STAT4: variants seen among roughly 807,000 people sequenced by gnomAD.
The protein encoded by STAT4 is signal transducer and activator of transcription 4.
A neutral mutation model predicts 110.5 loss-of-function variants in STAT4; 42 were observed. The observed-to-expected ratio is 0.38, with a 90% CI of 0.30 to 0.49. The LOEUF (loss-of-function observed/expected upper bound fraction) is 0.49, where lower values mean the gene tolerates loss of function less well. Ranked by LOEUF, STAT4 falls within the 20% of genes least tolerant of loss-of-function variation. The probability of loss-of-function intolerance (pLI) is 0.95; values close to 1 mark genes in which losing one functional copy is unlikely to be tolerated. For synonymous variants in STAT4, 284 were observed against 302.2 expected (o/e 0.94, Z 0.63); for missense variants, 632 against 887.9 (o/e 0.71, Z 3.66).
intron 6 of STAT4, among the ~76,000 whole-genome samples, chr2:191,068,915 C>G (rs1477266783): frequency 1.3e-5 from 2 of 152,042 alleles, no homozygotes; most frequent in Non-Finnish European, 2.9e-5. Context: ...TTAAAAAACA[C>G]CTAGTTGTAA....
At position 191,061,252 on chromosome 2, in the gene STAT4, A is replaced by G. The variant is rs967062202; in HGVS notation, c.1034+477T>C. 6.6e-6 allele frequency among the ~76,000 whole-genome samples: 1 copy of G among 152,074 alleles called. No homozygotes were observed. Among genetic ancestry groups the G allele is most frequent in the Non-Finnish European group, 1.5e-5 (1 of 68,006 alleles). ...AATAAGCCAGTTACTGGGTAATCTC[A>G]GGAGATGAATGTGCCACTGTGTTTC... On this transcript the variant is annotated intron_variant, in intron 10 of 23. Coordinates refer to ENST00000392320, the MANE Select transcript of STAT4 (RefSeq NM_003151.4). The surrounding 1 kb of genome is among the most constrained non-coding windows in gnomAD (Gnocchi z 6.2).
At chr2:191,072,682 A>G (rs1697200231) in intron 5 of STAT4, among the ~76,000 whole-genome samples, 1 of 152,206 alleles carries the variant, frequency 6.6e-6, no homozygotes, top group African/African-American at 2.4e-5. Flanking sequence ...ATAAATCTCT[A>G]GATAGACTGA....
chr2:191,091,389 GAATTA>G lies in STAT4; in HGVS notation c.274-15069_274-15065del, dbSNP rs1354014548. Among the ~76,000 whole-genome samples, 1 of 150,178 alleles carries G rather than the reference GAATTA, an allele frequency of 6.7e-6. No homozygotes were observed. The highest frequency in any genetic ancestry group is 1.5e-5 in the Non-Finnish European group (1 of 67,470). ...AACAAAGAAGATACAGGTCTTACAT[GAATTA>G]AATTAAACTAGGGTCACACTGAAAA... On this transcript the variant is annotated intron_variant, in intron 3 of 23. Transcript: ENST00000392320. The surrounding 1 kb of genome is among the most constrained non-coding windows in gnomAD (Gnocchi z 5.4).
chr2:191,115,926 C>T (rs2125375584), intron 3 of STAT4, among the ~76,000 whole-genome samples: 1 of 152,314 alleles, frequency 6.6e-6, no homozygotes, highest in South Asian at 2.1e-4. Context: ...TCTGACTATT[C>T]AAGTAGGGCT....
intron 3 of STAT4, among the ~76,000 whole-genome samples, chr2:191,092,027 G>A (rs1416580164): frequency 6.6e-6 from 1 of 152,144 alleles, no homozygotes; most frequent in African/African-American, 2.4e-5. Context: ...TGGTTTTTCA[G>A]TTCAGTAAAA....
At chr2:191,073,559 G>A (rs1268498237) in intron 4 of STAT4, among the ~76,000 whole-genome samples, 3 of 152,054 alleles carry the variant, frequency 2.0e-5, no homozygotes, top group Non-Finnish European at 2.9e-5. Flanking sequence ...GTGTGGCAGC[G>A]TGTGCCTGTA....
At chr2:191,052,072 G>A (rs1461694175) in intron 14 of STAT4, among the ~76,000 whole-genome samples, 2 of 152,092 alleles carry the variant, frequency 1.3e-5, no homozygotes, top group African/African-American at 4.8e-5. Flanking sequence ...TGAAAACGAG[G>A]TTACGATATT....
chr2:191,115,581 C>T (rs889606535), intron 3 of STAT4, among the ~76,000 whole-genome samples: 1 of 152,194 alleles, frequency 6.6e-6, no homozygotes, highest in African/African-American at 2.4e-5. Context: ...GCTATCTTAT[C>T]AGATTCTGCA....
chr2:191,066,571 A>T lies in STAT4; in HGVS notation c.545-56T>A. The T allele has an allele frequency of 6.5e-7, 1 of 1,543,880 alleles. No individual in the cohort carries two copies. The highest frequency in any genetic ancestry group is 8.9e-7 in the Non-Finnish European group (1 of 1,124,000). ...TCTCTCTATTCCTGAAAGTCAAGTC[A>T]GCCTCAATCCACCATCCTAAAACAG... is the stretch of plus-strand genomic sequence containing the variant. On this transcript the variant is annotated intron_variant, in intron 6 of 23. Coordinates refer to ENST00000392320, the MANE Select transcript of STAT4 (RefSeq NM_003151.4). This position sits in a 1 kb window ranked among gnomAD's most constrained non-coding sequence, Gnocchi z 4.3.
intron 3 of STAT4, among the ~76,000 whole-genome samples, chr2:191,122,382 G>A (rs1387509778): frequency 1.3e-5 from 2 of 150,784 alleles, no homozygotes; most frequent in Non-Finnish European, 2.9e-5. Flanking sequence ...TAGAGCAACT[G>A]AACTCTCATA....
At position 191,144,470 on chromosome 2, in the gene STAT4, T is replaced by C. The variant is rs553296436; in HGVS notation, c.273+2143A>G. Among the ~76,000 whole-genome samples, 1 of 152,132 alleles carries C rather than the reference T, an allele frequency of 6.6e-6. No homozygotes were observed. The highest frequency in any genetic ancestry group is 2.1e-4 in the South Asian group (1 of 4,808). ...TCAGGAACAAGTAGTAGATCTATTT[T>C]TCTGAGGTAGGGATGTGGAGGAGCT... On this transcript the variant is annotated intron_variant, in intron 3 of 23. Coordinates refer to ENST00000392320, the MANE Select transcript of STAT4 (RefSeq NM_003151.4). The surrounding 1 kb of genome is among the most constrained non-coding windows in gnomAD (Gnocchi z 4.7).
intron 3 of STAT4, among the ~76,000 whole-genome samples, chr2:191,139,995 A>C (rs981627400): frequency 4.6e-5 from 7 of 152,208 alleles, no homozygotes; most frequent in African/African-American, 1.4e-4. Flanking sequence ...CAAAAATATA[A>C]ATCAGGGAAA....
rs1293131080 is a variant in STAT4, at chr2:191,062,284, T to A, written c.942-463A>T. 6.6e-6 allele frequency among the ~76,000 whole-genome samples: 1 copy of A among 152,102 alleles called. No individual in the cohort carries two copies. Among genetic ancestry groups the A allele is most frequent in the African/African-American group, 2.4e-5 (1 of 41,418 alleles). ...GCTGTCCAGGCTGTTCTACAACTCC[T>A]GAGCTCAAGCAACCCCTTGCCTCAG... On this transcript the variant is annotated intron_variant, in intron 9 of 23. Coordinates refer to ENST00000392320, the MANE Select transcript of STAT4 (RefSeq NM_003151.4). This position sits in a 1 kb window ranked among gnomAD's most constrained non-coding sequence, Gnocchi z 4.9.
At chr2:191,108,976 TG>T (rs1698353794) in intron 3 of STAT4, among the ~76,000 whole-genome samples, 1 of 152,258 alleles carries the variant, frequency 6.6e-6, no homozygotes, top group South Asian at 2.1e-4. Flanking sequence ...AGAAACCTCT[TG>T]GTTTCTACTG....
rs568480274 is a variant in STAT4 at position 191,090,608 on chromosome 2, T to C, written c.274-14283A>G. Among the ~76,000 whole-genome samples the C allele has an allele frequency of 6.6e-6, 1 of 152,298 alleles. No homozygotes were observed. The highest frequency in any genetic ancestry group is 2.1e-4 in the South Asian group (1 of 4,828). Reference sequence around the variant, plus strand: ...AGAGTCTTGCTTCTGTTGCCCAGACTGGAGTGCAGTGGCGCGATCTCCGCC... The same window carrying C: ...AGAGTCTTGCTTCTGTTGCCCAGACCGGAGTGCAGTGGCGCGATCTCCGCC... On this transcript the variant is annotated intron_variant, in intron 3 of 23. Coordinates refer to ENST00000392320, the MANE Select transcript of STAT4 (RefSeq NM_003151.4). The surrounding 1 kb of genome is among the most constrained non-coding windows in gnomAD (Gnocchi z 4.2).
At chr2:191,139,443 A>T (rs1699263434) in intron 3 of STAT4, among the ~76,000 whole-genome samples, 1 of 152,204 alleles carries the variant, frequency 6.6e-6, no homozygotes, top group Admixed American at 6.5e-5. Flanking sequence ...TAGCTCTGAT[A>T]TACTCCAACA....
In STAT4 at chr2:191,146,646, T is replaced by C. The variant is rs957846209; in HGVS notation, c.240A>G (p.Ile80Met). ...CCTTCCTAATTCTTTTTAGATTGTG[T>C]ATCAAGAGTAGGTTTTTCTCTTTGG... ...RVSKEKNLLL[I>M]HNLKRIRKVL... The change falls in exon 3 of 24, where the codon ATA becomes ATG. Residue 80 changes from isoleucine to methionine, a missense_variant. Transcript: ENST00000392320. This position sits in a 1 kb window ranked among gnomAD's most constrained non-coding sequence, Gnocchi z 4.5. 1 of 1,584,846 alleles carries C rather than the reference T, an allele frequency of 6.3e-7. No homozygotes were observed. Among genetic ancestry groups the C allele is most frequent in the Non-Finnish European group, 8.6e-7 (1 of 1,167,046 alleles).
At position 191,147,207 on chromosome 2, in the gene STAT4, T is replaced by C. The variant is rs1169172258; in HGVS notation, c.129-450A>G. 6.6e-6 allele frequency among the ~76,000 whole-genome samples: 1 copy of C among 152,196 alleles called. No individual in the cohort carries two copies. Among genetic ancestry groups the C allele is most frequent in the Non-Finnish European group, 1.5e-5 (1 of 68,012 alleles). ...TCAAACAGATATTTGCATACCAATG[T>C]TCCTAGCAGGGTTATTAGCAATAGC... On this transcript the variant is annotated intron_variant, in intron 2 of 23. Coordinates refer to ENST00000392320, the MANE Select transcript of STAT4 (RefSeq NM_003151.4). This position sits in a 1 kb window ranked among gnomAD's most constrained non-coding sequence, Gnocchi z 4.1.
In STAT4 at chr2:191,032,810, AT is replaced by A. The variant is rs1695937277; in HGVS notation, c.2044+147del. 1.0e-5 allele frequency: 8 copies of A among 801,374 alleles called. 1 individual carries two copies. The highest frequency in any genetic ancestry group is 3.8e-4 in the Middle Eastern group (1 of 2,660). 49.6% of individuals were successfully genotyped at this position (801,374 alleles called of 1,614,324 possible). On this transcript the variant is annotated intron_variant, in intron 21 of 23. Transcript: ENST00000392320. The surrounding 1 kb of genome is among the most constrained non-coding windows in gnomAD (Gnocchi z 4.9). The stretch of plus-strand genomic sequence containing the variant: ...TCAGGAACTGCTGACATACCACTTC[AT>A]TTCTAAGGCTTTGACCTCCACATGC...
Sources: gnomAD v4.1 joint callset for allele counts (sites outside exome capture counted in the v4.1 genomes callset) on GRCh38, gnomAD v4.1.1 for gene constraint, Gnocchi (gnomAD v3.1) non-coding constraint, MANE v1.5 for transcripts, NCBI Gene and HGNC (gene_info 2026-07-23, HGNC 2026-07-21) for gene names.